The following MGAT4C variants were observed in gnomAD, a reference collection of about 807,000 sequenced individuals.
MGAT4C encodes alpha-1,3-mannosyl-glycoprotein 4-beta-N-acetylglucosaminyltransferase C.
Under a neutral mutation model 40.1 loss-of-function variants are expected in MGAT4C, and 19 were observed. The observed-to-expected ratio is 0.47, with a 90% CI of 0.33 to 0.70. The LOEUF is 0.70. Among genes scored for constraint, MGAT4C ranks in the 30% least tolerant of loss-of-function variants. MGAT4C has a pLI of 0.02. For synonymous variants in MGAT4C, 181 were observed against 187.1 expected (o/e 0.97, Z 0.27); for missense variants, 491 against 563.2 (o/e 0.87, Z 1.30).
At chr12:86,212,663 C>T (rs1385548522) in intron 1 of MGAT4C, among the ~76,000 whole-genome samples, 3 of 146,448 alleles carry the variant, frequency 2.0e-5, no homozygotes, top group Non-Finnish European at 4.5e-5. Flanking sequence ...CCGAGGCGGG[C>T]GGATCACGAG....
At chr12:86,009,702 T>A (rs1196988634) in intron 2 of MGAT4C, among the ~76,000 whole-genome samples, 1 of 152,222 alleles carries the variant, frequency 6.6e-6, no homozygotes, top group Non-Finnish European at 1.5e-5. Context: ...GAGGCAAATC[T>A]GACCCCTATT....
intron 3 of MGAT4C, among the ~76,000 whole-genome samples, chr12:86,363,504 A>G (rs1955528320): frequency 6.6e-6 from 1 of 152,060 alleles, no homozygotes; most frequent in Admixed American, 6.6e-5. Context: ...CTTACATTAG[A>G]AAAGAAAAAA....
chr12:86,790,423 A>C (rs965758676), intron 1 of MGAT4C, among the ~76,000 whole-genome samples: 1 of 152,148 alleles, frequency 6.6e-6, no homozygotes, highest in African/African-American at 2.4e-5. Flanking sequence ...AATTCAAAAA[A>C]AACTAGATTT....
In MGAT4C at chr12:85,976,637, AC is replaced by A. The variant is rs1884002453; in HGVS notation, c.*2651del. On this transcript the variant is annotated 3_prime_UTR_variant, in exon 5 of 5. Coordinates refer to ENST00000611864, the MANE Select transcript of MGAT4C (RefSeq NM_001351288.2). ...CAGTCTTTTTCAATTGTTATTTTTA[AC>A]AAAGAAAATTATATATATATGTATA... 1 of 145,616 alleles carries A rather than the reference AC, an allele frequency of 6.9e-6. No individual in the cohort carries two copies. The highest frequency in any genetic ancestry group is 1.5e-5 in the Non-Finnish European group (1 of 66,366). The allele number at this position is 145,616 out of a possible 1,614,324, so 9.0% of individuals were successfully genotyped here.
At chr12:86,358,143 C>A (rs1215634157) in intron 3 of MGAT4C, among the ~76,000 whole-genome samples, 1 of 152,218 alleles carries the variant, frequency 6.6e-6, no homozygotes, top group Non-Finnish European at 1.5e-5. Context: ...AGCAGAAACT[C>A]TCCAAGCCAG....
chr12:86,220,345 T>C (rs1044628446), intron 1 of MGAT4C, among the ~76,000 whole-genome samples: 1 of 152,208 alleles, frequency 6.6e-6, no homozygotes, highest in African/African-American at 2.4e-5. Flanking sequence ...ACAATTAAGA[T>C]TTCATGATCA....
chr12:86,197,226 T>C (rs1346113764), intron 1 of MGAT4C, among the ~76,000 whole-genome samples: 2 of 152,206 alleles, frequency 1.3e-5, no homozygotes, highest in Non-Finnish European at 2.9e-5. Flanking sequence ...GCACCTTTGT[T>C]CATGTATCTA....
chr12:86,524,464 G>A (rs768982832), intron 2 of MGAT4C, among the ~76,000 whole-genome samples: 8 of 152,038 alleles, frequency 5.3e-5, no homozygotes, highest in Non-Finnish European at 1.0e-4. Flanking sequence ...TCCCTTTCTA[G>A]GTGGCCTGAC....
chr12:86,375,847 C>T (rs79353647), intron 3 of MGAT4C, among the ~76,000 whole-genome samples: 2,715 of 152,034 alleles, frequency 0.018, 76 homozygotes, highest in African/African-American at 0.062. Flanking sequence ...AATAAATATA[C>T]CTCTAGCAAT....
chr12:86,536,965 A>G (rs1180835934), intron 2 of MGAT4C, among the ~76,000 whole-genome samples: 5 of 152,182 alleles, frequency 3.3e-5, no homozygotes, highest in Non-Finnish European at 4.4e-5. Context: ...CTTGGAACCA[A>G]CCCAAATGTC....
At chr12:86,527,780 G>C (rs896512613) in intron 2 of MGAT4C, among the ~76,000 whole-genome samples, 2 of 151,908 alleles carry the variant, frequency 1.3e-5, no homozygotes, top group Non-Finnish European at 2.9e-5. Context: ...TTGCTTTCTT[G>C]ATTTCTTTTT....
intron 1 of MGAT4C, among the ~76,000 whole-genome samples, chr12:86,085,292 G>C (rs1871575235): frequency 6.6e-6 from 1 of 151,984 alleles, no homozygotes; most frequent in African/African-American, 2.4e-5. Flanking sequence ...CCTATGTCCT[G>C]AACAGTATTG....
At chr12:85,999,308 A>C (rs1887012547) in intron 2 of MGAT4C, among the ~76,000 whole-genome samples, 1 of 152,088 alleles carries the variant, frequency 6.6e-6, no homozygotes. Context: ...AGCAGAATAC[A>C]CATTCTTTTC....
chr12:86,302,617 C>T (rs1953842772), intron 4 of MGAT4C, among the ~76,000 whole-genome samples: 1 of 150,476 alleles, frequency 6.6e-6, no homozygotes, highest in African/African-American at 2.5e-5. Flanking sequence ...TTAGTAGAGA[C>T]AGGGTTTCAC....
chr12:86,322,396 A>G (rs568932887), intron 4 of MGAT4C, among the ~76,000 whole-genome samples: 64 of 152,122 alleles, frequency 4.2e-4, no homozygotes, highest in African/African-American at 1.5e-3. Context: ...AACTGCTTAA[A>G]TGGTTCATTC....
In MGAT4C at chr12:85,972,869, GA is replaced by G. The variant is rs1592578677; in HGVS notation, c.*6419del. The G allele has an allele frequency of 6.6e-6, 1 of 150,990 alleles. No individual in the cohort carries two copies. Among genetic ancestry groups the G allele is most frequent in the South Asian group, 2.1e-4 (1 of 4,814 alleles). 9.4% of individuals were successfully genotyped at this position (150,990 alleles called of 1,614,324 possible). A position where few individuals can be genotyped will look rare whatever the true frequency, so the allele number is the denominator to read the frequency against. On this transcript the variant is annotated 3_prime_UTR_variant, in exon 5 of 5. Coordinates refer to ENST00000611864, the MANE Select transcript of MGAT4C (RefSeq NM_001351288.2). ...ATACATACATATGTTTAAAAGTAGG[GA>G]AAATTTTATCAATTATTAAAGATGG...
intron 3 of MGAT4C, among the ~76,000 whole-genome samples, chr12:86,415,054 C>T (rs370366553): frequency 3.9e-5 from 6 of 151,968 alleles, no homozygotes; most frequent in African/African-American, 1.4e-4. Flanking sequence ...ACTTTCCACC[C>T]CTATTCTAGC....
chr12:86,148,873 T>C (rs1438067891), intron 1 of MGAT4C, among the ~76,000 whole-genome samples: 1 of 152,218 alleles, frequency 6.6e-6, no homozygotes, highest in Non-Finnish European at 1.5e-5. Flanking sequence ...TCAGCTTGCA[T>C]ACAAATCATC....
At chr12:86,054,193 A>C (rs1030809901) in intron 1 of MGAT4C, among the ~76,000 whole-genome samples, 1 of 152,074 alleles carries the variant, frequency 6.6e-6, no homozygotes, top group Non-Finnish European at 1.5e-5. Flanking sequence ...AGTCAACCCA[A>C]GTGTCCAGCA....
Sources: allele counts gnomAD v4.1 joint callset (sites outside exome capture counted in the v4.1 genomes callset), GRCh38; gene constraint gnomAD v4.1.1; transcripts MANE v1.5; gene names NCBI Gene and HGNC (gene_info 2026-07-23, HGNC 2026-07-21).